PPP1R18: variants seen among roughly 807,000 people sequenced by gnomAD.
PPP1R18 encodes protein phosphatase 1 regulatory subunit 18.
In PPP1R18, 31 loss-of-function variants were observed where a neutral mutation model predicts 54.8. That is an observed-to-expected ratio of 0.57 (90% CI 0.43 to 0.76). The LOEUF (loss-of-function observed/expected upper bound fraction) is 0.76. Among genes scored for constraint, PPP1R18 ranks in the 30% least tolerant of loss-of-function variants. The probability of loss-of-function intolerance (pLI) is 0.00; values close to 1 mark genes in which losing one functional copy is unlikely to be tolerated. For missense variants in PPP1R18, 685 were observed against 776.1 expected, an observed-to-expected ratio of 0.88 and a Z score of 1.39; for synonymous variants, 310 against 320.2, an observed-to-expected ratio of 0.97 and a Z score of 0.34.
In PPP1R18 at chr6:30,685,893, C is replaced by A. The variant is rs767028647; in HGVS notation, c.126G>T (p.Gly42=). 6.2e-7 allele frequency: 1 copy of A among 1,610,832 alleles called. No homozygotes were observed. The part of the protein sequence containing the change: ...RLSQMPAWKR[G]LLERRRAKLG... ...GCTTGGCCCGGCGGCGCTCCAGGAG[C>A]CCTCGTTTCCAGGCTGGCATCTGGG... The change falls in exon 1 of 3, where the codon GGG becomes GGT. Residue 42 remains glycine (G), a synonymous_variant. Transcript: ENST00000274853. The surrounding 1 kb of genome is among the most constrained non-coding windows in gnomAD (Gnocchi z 5.0).
intron 2 of PPP1R18, among the ~76,000 whole-genome samples, chr6:30,678,643 G>T (rs1582991008): frequency 6.6e-6 from 1 of 152,094 alleles, no homozygotes; most frequent in East Asian, 1.9e-4. Flanking sequence ...CTCCCAAAGT[G>T]CTGGGATCAC....
rs774180666 is a variant in PPP1R18 at position 30,684,667 on chromosome 6, C to A, written c.1352G>T (p.Arg451Leu). 3 of 1,484,884 alleles carry A rather than the reference C, an allele frequency of 2.0e-6. No homozygotes were observed. Among genetic ancestry groups the A allele is most frequent in the East Asian group, 2.5e-5 (1 of 40,338 alleles). 92.0% of individuals were successfully genotyped at this position (1,484,884 alleles called of 1,614,324 possible). ...PQPPGDPLMSRLFYGVKAGPG... is the reference protein window; with the variant it reads ...PQPPGDPLMSLLFYGVKAGPG... ...CCCTGCCTTCACCCCATAGAACAGG[C>A]GGCTCATGAGGGGATCCCCAGGAGG... Residue 451 changes from arginine (R) to leucine (L), a missense_variant, in exon 1 of 3, where the codon CGC (arginine) becomes CTC (leucine). By Grantham distance (102) the Arg-to-Leu change is moderately radical (BLOSUM62 -2). Transcript: ENST00000274853. This position sits in a 1 kb window ranked among gnomAD's most constrained non-coding sequence, Gnocchi z 6.0.
In PPP1R18 at chr6:30,686,412, A is replaced by C; in HGVS notation, c.-394T>G. ...AGTTGGCGTGAGGGAGAAGAGAGAA[A>C]TGTGGCAGGGGTGAGGGGAACCTGG... On this transcript the variant is annotated 5_prime_UTR_variant, in exon 1 of 3. Transcript: ENST00000274853. The C allele has an allele frequency of 1.4e-4, 28 of 204,068 alleles. No homozygotes were observed. Among genetic ancestry groups the C allele is most frequent in the East Asian group, 3.3e-4 (3 of 9,142 alleles). 12.6% of individuals were successfully genotyped at this position (204,068 alleles called of 1,614,324 possible).
rs1422088884 is a variant in PPP1R18, at chr6:30,679,407, A to G, written c.1612-18T>C. On this transcript the variant is annotated intron_variant, in intron 1 of 2. Coordinates refer to ENST00000274853, the MANE Select transcript of PPP1R18 (RefSeq NM_133471.4). ...ATCTTAAGCTGAAGGAGGGAGAAAA[A>G]GGGGGCAGGAGGCAAGGTCAGCAGG... 6.4e-6 allele frequency: 8 copies of G among 1,251,274 alleles called. No homozygotes were observed. Among genetic ancestry groups the G allele is most frequent in the Admixed American group, 4.7e-5 (2 of 42,406 alleles). The allele number at this position is 1,251,274 out of a possible 1,614,324, so 77.5% of individuals were successfully genotyped here. A position where few individuals can be genotyped will look rare whatever the true frequency, so the allele number is the denominator to read the frequency against.
rs1482777673 is a variant in PPP1R18, at chr6:30,683,675, G to T, written c.1611+733C>A. On this transcript the variant is annotated intron_variant, in intron 1 of 2. Transcript: ENST00000274853. This position sits in a 1 kb window ranked among gnomAD's most constrained non-coding sequence, Gnocchi z 5.1. ...TTTGGAAGAGGAGAAGGCTTTTCTT[G>T]TCCCAAGAGAGAAGGGAGCACTGTC... is the stretch of plus-strand genomic sequence containing the variant. 2.0e-5 allele frequency among the ~76,000 whole-genome samples: 3 copies of T among 152,120 alleles called. No homozygotes were observed. Among genetic ancestry groups the T allele is most frequent in the African/African-American group, 7.2e-5 (3 of 41,440 alleles).
At chr6:30,678,485 C>T (rs7767019) in intron 2 of PPP1R18, among the ~76,000 whole-genome samples, 3,831 of 152,040 alleles carry the variant, frequency 0.025, 95 homozygotes, top group African/African-American at 0.057. Context: ...ACGCCATTCT[C>T]CTGCCTCAGC....
Position 30,686,223 on chromosome 6 carries a change from TGAAGA to T in PPP1R18, c.-210_-206del, listed in dbSNP as rs1770925596. 1.9e-6 allele frequency: 1 copy of T among 515,314 alleles called. No homozygotes were observed. Among genetic ancestry groups the T allele is most frequent in the African/African-American group, 2.0e-5 (1 of 48,900 alleles). The allele number at this position is 515,314 out of a possible 1,614,324, so 31.9% of individuals were successfully genotyped here. The stretch of plus-strand genomic sequence containing the variant: ...CAGAGAACTGGGGAAATGGAAAAAG[TGAAGA>T]GAAGTTGTGAGCCCAAGTTGGGGGT... On this transcript the variant is annotated 5_prime_UTR_variant, in exon 1 of 3. Transcript: ENST00000274853.
In PPP1R18 at chr6:30,684,844, G is replaced by A. The variant is rs1330827327; in HGVS notation, c.1175C>T (p.Ala392Val). ...EAGAQGRPLR[A>V]LQNCCSVPSP... ...GGGCACAGAGCAGCAGTTCTGCAGG[G>A]CTCTCAGAGGCCTGCCCTGAGCCCC... Residue 392 changes from alanine (A) to valine (V), a missense_variant, in exon 1 of 3, where the codon GCC (alanine) becomes GTC (valine). Coordinates refer to ENST00000274853, the MANE Select transcript of PPP1R18 (RefSeq NM_133471.4). The surrounding 1 kb of genome is among the most constrained non-coding windows in gnomAD (Gnocchi z 6.0). 1 of 1,612,796 alleles carries A rather than the reference G, an allele frequency of 6.2e-7. No individual in the cohort carries two copies. The highest frequency in any genetic ancestry group is 2.2e-5 in the East Asian group (1 of 44,886).
At position 30,684,973 on chromosome 6, in the gene PPP1R18, A is replaced by G; in HGVS notation, c.1046T>C (p.Ile349Thr). 6.2e-7 allele frequency: 1 copy of G among 1,612,916 alleles called. No homozygotes were observed. The change falls in exon 1 of 3, where the codon ATA (isoleucine) becomes ACA (threonine). Residue 349 changes from isoleucine to threonine, a missense_variant. Ile to Thr is a moderately conservative substitution (Grantham distance 89). Transcript: ENST00000274853. The surrounding 1 kb of genome is among the most constrained non-coding windows in gnomAD (Gnocchi z 6.0). ...GKAREWTPRD[I>T]EAQTQKPEPP... ...TTCTGGTTTCTGAGTTTGAGCCTCT[A>G]TGTCCCTGGGTGTCCATTCTCGAGC...
At position 30,686,061 on chromosome 6, in the gene PPP1R18, C is replaced by A; in HGVS notation, c.-43G>T. ...GGTAGGGAGCACTGGGGACAGAGAA[C>A]AGGAAGGAGAGGCTCCAGAGAGTGA... On this transcript the variant is annotated 5_prime_UTR_variant, in exon 1 of 3. Coordinates refer to ENST00000274853, the MANE Select transcript of PPP1R18 (RefSeq NM_133471.4). The A allele has an allele frequency of 6.6e-7, 1 of 1,510,430 alleles. No homozygotes were observed. The highest frequency in any genetic ancestry group is 1.3e-5 in the South Asian group (1 of 77,254). 93.6% of individuals were successfully genotyped at this position (1,510,430 alleles called of 1,614,324 possible).
chr6:30,684,813 G>A lies in PPP1R18; in HGVS notation c.1206C>T (p.Pro402=), dbSNP rs771925734. ...CAGTCCCAGCGTCCTCTGGTGGGAG[G>A]GGGGAGGGCACAGAGCAGCAGTTCT... ...ALQNCCSVPS[P]LPPEDAGTGG... The change falls in exon 1 of 3, where the codon CCC becomes CCT. Residue 402 remains proline (P), a synonymous_variant. Coordinates refer to ENST00000274853, the MANE Select transcript of PPP1R18 (RefSeq NM_133471.4). This position sits in a 1 kb window ranked among gnomAD's most constrained non-coding sequence, Gnocchi z 6.0. 6.2e-7 allele frequency: 1 copy of A among 1,611,814 alleles called. No homozygotes were observed. The highest frequency in any genetic ancestry group is 8.5e-7 in the Non-Finnish European group (1 of 1,179,426).
In PPP1R18 at chr6:30,679,240, T is replaced by C. The variant is rs199708030; in HGVS notation, c.1761A>G (p.Glu587=). 616 of 1,577,602 alleles carry C rather than the reference T, an allele frequency of 3.9e-4. 2 individuals carry two copies. Among genetic ancestry groups the C allele is most frequent in the Middle Eastern group, 1.7e-3 (10 of 5,834 alleles). The change falls in exon 2 of 3, where the codon GAA becomes GAG. Residue 587 remains glutamate (E), a synonymous_variant. Transcript: ENST00000274853. The part of the protein sequence containing the change: ...AAQPDDEEDE[E]ELLLLQPELQ... ...GCTCTGGCTGCAGCAGCAGCAGCTC[T>C]TCCTCATCCTCTTCGTCGTCGGGTT...
At chr6:30,680,916 C>T (rs1770511202) in intron 1 of PPP1R18, among the ~76,000 whole-genome samples, 2 of 151,582 alleles carry the variant, frequency 1.3e-5, no homozygotes, top group South Asian at 4.2e-4. Context: ...AAACCTGTCT[C>T]TACTAAAAAT....
Position 30,686,037 on chromosome 6 carries a change from G to C in PPP1R18, c.-19C>G. ...TGGCCATGGTCGTCTTGAGGTGAGG[G>C]TAGGGAGCACTGGGGACAGAGAACA... On this transcript the variant is annotated 5_prime_UTR_variant, in exon 1 of 3. Transcript: ENST00000274853. 6.5e-7 allele frequency: 1 copy of C among 1,539,052 alleles called. No individual in the cohort carries two copies. The highest frequency in any genetic ancestry group is 8.7e-7 in the Non-Finnish European group (1 of 1,150,856).
In PPP1R18 at chr6:30,685,868, G is replaced by C. The variant is rs1022076797; in HGVS notation, c.151C>G (p.Leu51Val). 6.2e-7 allele frequency: 1 copy of C among 1,611,942 alleles called. No homozygotes were observed. Among genetic ancestry groups the C allele is most frequent in the African/African-American group, 1.3e-5 (1 of 75,068 alleles). Reference sequence around the variant, plus strand: ...CTAGGCTCCCCAGGGGACAGCCCAAGCTTGGCCCGGCGGCGCTCCAGGAGC... The same window carrying C: ...CTAGGCTCCCCAGGGGACAGCCCAACCTTGGCCCGGCGGCGCTCCAGGAGC... ...RGLLERRRAKLGLSPGEPSPV... is the reference protein window; with the variant it reads ...RGLLERRRAKVGLSPGEPSPV... The change falls in exon 1 of 3, where the codon CTT becomes GTT. Residue 51 changes from leucine to valine, a missense_variant. By Grantham distance (32) the Leu-to-Val change is conservative (BLOSUM62 1). Transcript: ENST00000274853. This position sits in a 1 kb window ranked among gnomAD's most constrained non-coding sequence, Gnocchi z 5.0.
At position 30,685,612 on chromosome 6, in the gene PPP1R18, C is replaced by T. The variant is rs201584723; in HGVS notation, c.407G>A (p.Gly136Glu). Residue 136 changes from glycine to glutamate, a missense_variant, in exon 1 of 3, where the codon GGA (glycine) becomes GAA (glutamate). Physicochemically the swap from Gly to Glu is moderately conservative, Grantham distance 98. Transcript: ENST00000274853. The surrounding 1 kb of genome is among the most constrained non-coding windows in gnomAD (Gnocchi z 5.0). Reference protein sequence around the residue: ...PGEMRDQSPKGRESREERLSP... With the variant: ...PGEMRDQSPKERESREERLSP... Reference sequence around the variant, plus strand: ...TAGTCTCTCTTCTCTTGACTCTCTTCCCTTGGGGCTCTGATCCCGCATCTC... The same window carrying T: ...TAGTCTCTCTTCTCTTGACTCTCTTTCCTTGGGGCTCTGATCCCGCATCTC... The T allele has an allele frequency of 2.5e-6, 4 of 1,613,008 alleles. No homozygotes were observed. Among genetic ancestry groups the T allele is most frequent in the Non-Finnish European group, 3.4e-6 (4 of 1,180,002 alleles).
upstream of PPP1R18, chr6:30,687,367 G>A (rs1020470754): frequency 1.3e-5 from 2 of 152,752 alleles, no homozygotes; most frequent in African/African-American, 4.8e-5. The surrounding 1 kb of genome is among the most constrained non-coding windows in gnomAD (Gnocchi z 7.9). Flanking sequence ...GAGAGGGCGG[G>A]GCCTAGATCC....
rs1770870449 is a variant in PPP1R18 at position 30,685,679 on chromosome 6, G to C, written c.340C>G (p.Pro114Ala). The C allele has an allele frequency of 2.5e-6, 4 of 1,613,086 alleles. No individual in the cohort carries two copies. In the South Asian group the frequency reaches 3.3e-5, roughly 13 times the overall value. ...RSEELLAERK[P>A]GPLEARERRP... is the part of the protein sequence containing the mutation. Reference sequence around the variant, plus strand: ...CGCTCCCGGGCCTCCAGAGGCCCAGGCTTTCTCTCTGCTAGCAGCTCTTCA... The same window carrying C: ...CGCTCCCGGGCCTCCAGAGGCCCAGCCTTTCTCTCTGCTAGCAGCTCTTCA... The change falls in exon 1 of 3, where the codon CCT becomes GCT. Residue 114 changes from proline (P) to alanine (A), a missense_variant. Physicochemically the swap from Pro to Ala is conservative, Grantham distance 27. Coordinates refer to ENST00000274853, the MANE Select transcript of PPP1R18 (RefSeq NM_133471.4). The surrounding 1 kb of genome is among the most constrained non-coding windows in gnomAD (Gnocchi z 5.0).
In PPP1R18 at chr6:30,679,372, G is replaced by T; in HGVS notation, c.1629C>A (p.Ser543Arg). Residue 543 changes from serine to arginine, a missense_variant, in exon 2 of 3, where the codon AGC becomes AGA. Transcript: ENST00000274853. ...GGTACGTGGTCTCCAGGGCTGTCTCGCTGAAGGAGATCTTAAGCTGAAGGA... is the reference window on the plus strand; with the variant it reads ...GGTACGTGGTCTCCAGGGCTGTCTCTCTGAAGGAGATCTTAAGCTGAAGGA... ...RHHKQLKISFSETALETTYQY... is the reference protein window; with the variant it reads ...RHHKQLKISFRETALETTYQY... 6.3e-7 allele frequency: 1 copy of T among 1,588,954 alleles called. No individual in the cohort carries two copies. Among genetic ancestry groups the T allele is most frequent in the Non-Finnish European group, 8.6e-7 (1 of 1,169,018 alleles).
Sources: allele counts gnomAD v4.1 joint callset (sites outside exome capture counted in the v4.1 genomes callset), GRCh38; gene constraint gnomAD v4.1.1; non-coding constraint Gnocchi (gnomAD v3.1); transcripts MANE v1.5; gene names NCBI Gene and HGNC (gene_info 2026-07-23, HGNC 2026-07-21).